Variants in COBL observed in about 807,000 individuals in gnomAD.
COBL encodes cordon-bleu WH2 repeat protein.
In COBL, 51 loss-of-function variants were observed where a neutral mutation model predicts 98.8. The observed-to-expected ratio is 0.52, with a 90% confidence interval of 0.41 to 0.65. The LOEUF is 0.65. Ranked by LOEUF, COBL falls within the 30% of genes least tolerant of loss-of-function variation. COBL has a pLI of 0.00. For missense variants in COBL, 1,617 were observed against 1,617.5 expected, an observed-to-expected ratio of 1.00 and a Z score of 0.01; for synonymous variants, 634 against 651.7, an observed-to-expected ratio of 0.97 and a Z score of 0.41.
intron 1 of COBL, among the ~76,000 whole-genome samples, chr7:51,291,499 G>A (rs1030202559): frequency 6.6e-6 from 1 of 152,134 alleles, no homozygotes; most frequent in Admixed American, 6.5e-5. Flanking sequence ...GGTGGCTCAT[G>A]CCTGTAATCC....
At chr7:51,223,126 G>C (rs1342117188) in intron 1 of COBL, among the ~76,000 whole-genome samples, 1 of 152,226 alleles carries the variant, frequency 6.6e-6, no homozygotes, top group African/African-American at 2.4e-5. Context: ...GCCTGACTTT[G>C]CTCGGGGCAC....
Position 51,219,868 on chromosome 7 carries a change from G to C in COBL, c.118C>G (p.Pro40Ala). 8.1e-6 allele frequency: 13 copies of C among 1,613,500 alleles called. No individual in the cohort carries two copies. The highest frequency in any genetic ancestry group is 1.1e-5 in the Non-Finnish European group (13 of 1,180,034). The stretch of plus-strand genomic sequence containing the variant: ...TGCGACCCGAGGGCCCCATCGTGGG[G>C]GGGCTTCTGGTCACTGTGCACATGC... ...TLHVHSDQKP[P>A]HDGALGSQQN... Residue 40 changes from proline to alanine, a missense_variant, in exon 2 of 13, where the codon CCC becomes GCC. By Grantham distance (27) the Pro-to-Ala change is conservative. Coordinates refer to ENST00000265136, the MANE Select transcript of COBL (RefSeq NM_015198.5).
intron 5 of COBL, chr7:51,156,697 T>A: frequency 1.6e-5 from 2 of 123,578 alleles, no homozygotes; most frequent in Non-Finnish European, 2.5e-5. Flanking sequence ...AAAACCACCC[T>A]TCACACACAC....
At chr7:51,096,137 T>A (rs540850057) in intron 6 of COBL, among the ~76,000 whole-genome samples, 1 of 152,026 alleles carries the variant, frequency 6.6e-6, no homozygotes, top group Non-Finnish European at 1.5e-5. Flanking sequence ...CTTAACAAGA[T>A]TAAAAATATG....
rs1339943443 is a variant in COBL, at chr7:51,043,392, G to A, written c.1397C>T (p.Ser466Leu). 1 of 1,614,010 alleles carries A rather than the reference G, an allele frequency of 6.2e-7. No homozygotes were observed. Among genetic ancestry groups the A allele is most frequent in the East Asian group, 2.2e-5 (1 of 44,872 alleles). ...CCTTCCCGTGACTCACCTCAGATGT[G>A]AGTTCTCAGAGCCATTCTTCTCCCA... The part of the protein sequence containing the change: ...PLWEKNGSEN[S>L]HLRTEKAVTA... The change falls in exon 8 of 13, where the codon TCA (serine) becomes TTA (leucine). Residue 466 changes from serine to leucine, a missense_variant. Around this residue, in one of 3 missense-constraint regions of COBL, gnomAD observed 1,304 missense variants for 1,282.0 expected, o/e 1.02. Coordinates refer to ENST00000265136, the MANE Select transcript of COBL (RefSeq NM_015198.5).
chr7:51,160,773 A>T (rs376218453), intron 5 of COBL, among the ~76,000 whole-genome samples: 1 of 152,226 alleles, frequency 6.6e-6, no homozygotes, highest in South Asian at 2.1e-4. Flanking sequence ...CCTTTAAAAG[A>T]ACTATGCAGA....
intron 6 of COBL, among the ~76,000 whole-genome samples, chr7:51,126,080 C>G (rs754431893): frequency 2.0e-5 from 3 of 152,200 alleles, no homozygotes; most frequent in Admixed American, 2.0e-4. Context: ...GTAATCCCAG[C>G]ACTCTGGGAG....
intron 2 of COBL, among the ~76,000 whole-genome samples, chr7:51,213,014 T>C (rs1792604552): frequency 6.6e-6 from 1 of 152,240 alleles, no homozygotes; most frequent in Non-Finnish European, 1.5e-5. Context: ...TAGCTGTAGC[T>C]ACTTCCCAAC....
chr7:51,301,066 C>T (rs1801909968), intron 1 of COBL, among the ~76,000 whole-genome samples: 2 of 152,222 alleles, frequency 1.3e-5, no homozygotes, highest in African/African-American at 4.8e-5. Flanking sequence ...ACCCTCACCC[C>T]GCACGCTGAG....
chr7:51,120,121 T>C (rs944510945), intron 6 of COBL, among the ~76,000 whole-genome samples: 1 of 152,074 alleles, frequency 6.6e-6, no homozygotes, highest in African/African-American at 2.4e-5. Context: ...AATATGGTAG[T>C]ATAGAAAAAA....
intron 2 of COBL, among the ~76,000 whole-genome samples, chr7:51,197,510 G>A (rs1326303280): frequency 6.6e-6 from 1 of 152,134 alleles, no homozygotes; most frequent in East Asian, 1.9e-4. Context: ...AGGATGAAAA[G>A]TTCTGTAGCT....
In COBL at chr7:51,084,375, C is replaced by T. The variant is rs1018633605; in HGVS notation, c.1096+791G>A. 1.6e-4 allele frequency among the ~76,000 whole-genome samples: 25 copies of T among 152,114 alleles called. 1 individual carries two copies. Among genetic ancestry groups the T allele is most frequent in the African/African-American group, 5.3e-4 (22 of 41,432 alleles). Reference sequence around the variant, plus strand: ...TGGCTTCGTCGTGAGCACTGACACACGCCATTCTTGGGGCTCTCAGCTCAG... The same window carrying T: ...TGGCTTCGTCGTGAGCACTGACACATGCCATTCTTGGGGCTCTCAGCTCAG... On this transcript the variant is annotated intron_variant, in intron 7 of 12. Transcript: ENST00000265136.
intron 2 of COBL, among the ~76,000 whole-genome samples, chr7:51,204,466 C>G (rs1791461232): frequency 6.6e-6 from 1 of 151,808 alleles, no homozygotes. Flanking sequence ...ATAGAAAGCT[C>G]TGAAAACTCA....
rs1384071352 is a variant in COBL, at chr7:51,028,499, T to C, written c.2597A>G (p.Gln866Arg). The C allele has an allele frequency of 2.0e-5, 32 of 1,614,156 alleles. No homozygotes were observed. The highest frequency in any genetic ancestry group is 2.6e-5 in the Non-Finnish European group (31 of 1,180,060). ...FLKPQRRTSSQYVASAIAKRI... is the reference protein window; with the variant it reads ...FLKPQRRTSSRYVASAIAKRI... ...CTTGGCAATGGCAGAGGCCACATAC[T>C]GGCTGGACGTTCTTCTCTGAGGCTT... The change falls in exon 10 of 13, where the codon CAG (glutamine) becomes CGG (arginine). Residue 866 changes from glutamine (Q) to arginine (R), a missense_variant. Coordinates refer to ENST00000265136, the MANE Select transcript of COBL (RefSeq NM_015198.5).
chr7:51,134,222 A>G (rs779781449), intron 6 of COBL, among the ~76,000 whole-genome samples: 14 of 152,240 alleles, frequency 9.2e-5, no homozygotes, highest in Non-Finnish European at 1.5e-4. Flanking sequence ...CAGTTTAAAA[A>G]AGCATGTTCA....
chr7:51,293,525 G>T (rs184726586), intron 1 of COBL, among the ~76,000 whole-genome samples: 1 of 152,176 alleles, frequency 6.6e-6, no homozygotes, highest in Non-Finnish European at 1.5e-5. Context: ...GTTGAGGGGC[G>T]CAGGAGAGGG....
chr7:51,035,546 T>C (rs1788556224), intron 8 of COBL: 1 of 152,178 alleles, frequency 6.6e-6, no homozygotes, highest in Non-Finnish European at 1.5e-5. Context: ...CTTCCATTTG[T>C]AAATGTTCCT....
chr7:51,131,376 T>TA (rs1798718341), intron 6 of COBL, among the ~76,000 whole-genome samples: 1 of 152,194 alleles, frequency 6.6e-6, no homozygotes, highest in Non-Finnish European at 1.5e-5. Flanking sequence ...TAATGAAAAC[T>TA]AAAATTAGAT....
At chr7:51,304,265 A>C (rs1458428151) in intron 1 of COBL, among the ~76,000 whole-genome samples, 1 of 152,228 alleles carries the variant, frequency 6.6e-6, no homozygotes, top group African/African-American at 2.4e-5. Context: ...GGGGAGGCAG[A>C]GGTCACAGGC....
Sources: allele counts gnomAD v4.1 joint callset (sites outside exome capture counted in the v4.1 genomes callset), GRCh38; gene constraint gnomAD v4.1.1; regional missense constraint gnomAD v4.1.1; transcripts MANE v1.5; gene names NCBI Gene and HGNC (gene_info 2026-07-23, HGNC 2026-07-21).